The following AGAP1 variants were observed in gnomAD, a reference collection of about 807,000 sequenced individuals.
The protein encoded by AGAP1 is arf-GAP with GTPase, ANK repeat and PH domain-containing protein 1.
In AGAP1, 29 loss-of-function variants were observed where a neutral mutation model predicts 105.3. The ratio of observed to expected loss-of-function variants is 0.28; its 90% confidence interval spans 0.21 to 0.38. The LOEUF is 0.38. AGAP1 is among the 10% of genes least tolerant of loss of function. The pLI, the probability that AGAP1 is intolerant of heterozygous loss-of-function variation, is 1.00. For missense variants in AGAP1, 998 were observed against 1,165.1 expected (o/e 0.86, Z 2.09); for synonymous variants, 509 against 485.9 (o/e 1.05, Z -0.63).
chr2:235,743,894 T>C (rs1421554606), intron 4 of AGAP1, among the ~76,000 whole-genome samples: 1 of 152,240 alleles, frequency 6.6e-6, no homozygotes, highest in African/African-American at 2.4e-5. Flanking sequence ...GTCTCTGCCC[T>C]GCAGGCAGCC....
At position 236,056,379 on chromosome 2, in the gene AGAP1, G is replaced by A. The variant is rs147931802; in HGVS notation, c.2114+7098G>A. Among the ~76,000 whole-genome samples the A allele has an allele frequency of 5.0e-3, 767 of 152,258 alleles. 6 individuals carry two copies. The highest frequency in any genetic ancestry group is 0.017 in the African/African-American group (720 of 41,540). The stretch of plus-strand genomic sequence containing the variant: ...ATCATTTACGTTCTGAAATACGGCC[G>A]TCGTGACAATTAAGGAGTTTCTGAT... On this transcript the variant is annotated intron_variant, in intron 16 of 17. Coordinates refer to ENST00000304032, the MANE Select transcript of AGAP1 (RefSeq NM_001037131.3). This position sits in a 1 kb window ranked among gnomAD's most constrained non-coding sequence, Gnocchi z 4.6.
In AGAP1 at chr2:235,753,319, C is replaced by T. The variant is rs760474787; in HGVS notation, c.673+2831C>T. Among the ~76,000 whole-genome samples, 8 of 152,200 alleles carry T rather than the reference C, an allele frequency of 5.3e-5. No homozygotes were observed. Among genetic ancestry groups the T allele is most frequent in the Non-Finnish European group, 7.3e-5 (5 of 68,034 alleles). On this transcript the variant is annotated intron_variant, in intron 6 of 17. Coordinates refer to ENST00000304032, the MANE Select transcript of AGAP1 (RefSeq NM_001037131.3). This position sits in a 1 kb window ranked among gnomAD's most constrained non-coding sequence, Gnocchi z 4.5. ...ACTGTGACAGCTCATGTCGCACCTC[C>T]CCAGGTGATGCTGTGATGAGTGTCC...
In AGAP1 at chr2:236,113,012, C is replaced by A. The variant is rs1029950809; in HGVS notation, c.2115-7180C>A. Among the ~76,000 whole-genome samples the A allele has an allele frequency of 6.6e-6, 1 of 152,240 alleles. No individual in the cohort carries two copies. The highest frequency in any genetic ancestry group is 2.4e-5 in the African/African-American group (1 of 41,468). On this transcript the variant is annotated intron_variant, in intron 16 of 17. Transcript: ENST00000304032. The surrounding 1 kb of genome is among the most constrained non-coding windows in gnomAD (Gnocchi z 4.3). Reference sequence around the variant, plus strand: ...TTCTAGGCTCTCCACTGTTTTTCCCCTTTTGAAACTTGCAATAAAATCTAC... The same window carrying A: ...TTCTAGGCTCTCCACTGTTTTTCCCATTTTGAAACTTGCAATAAAATCTAC...
Position 235,988,115 on chromosome 2 carries a change from T to C in AGAP1, c.1645+19492T>C, listed in dbSNP as rs1225525284. 1.3e-5 allele frequency among the ~76,000 whole-genome samples: 2 copies of C among 152,228 alleles called. No individual in the cohort carries two copies. Among genetic ancestry groups the C allele is most frequent in the Non-Finnish European group, 2.9e-5 (2 of 68,042 alleles). On this transcript the variant is annotated intron_variant, in intron 13 of 17. Transcript: ENST00000304032. This position sits in a 1 kb window ranked among gnomAD's most constrained non-coding sequence, Gnocchi z 4.7. ...TGGAGTGTGGTGGCATGATCTCGGC[T>C]CACTGAAGCCTCCACCTCCAAAGTT...
At chr2:235,731,193 C>T (rs1446205285) in intron 3 of AGAP1, among the ~76,000 whole-genome samples, 2 of 152,148 alleles carry the variant, frequency 1.3e-5, no homozygotes, top group African/African-American at 4.8e-5. Flanking sequence ...GAGAAACAGG[C>T]ACAGGCCCTT....
intron 1 of AGAP1, among the ~76,000 whole-genome samples, chr2:235,706,557 C>A (rs1010939481): frequency 1.3e-5 from 2 of 152,184 alleles, no homozygotes; most frequent in Non-Finnish European, 2.9e-5. Flanking sequence ...CCCCGATACA[C>A]TTTTTAGAAA....
chr2:236,039,647 AT>A, intron 14 of AGAP1, among the ~76,000 whole-genome samples: 1 of 152,244 alleles, frequency 6.6e-6, no homozygotes, highest in Non-Finnish European at 1.5e-5. Context: ...ACTAAGTGGA[AT>A]GCTATGCAGC....
At chr2:235,878,326 GTCCAGTGTTTC>G (rs2049847422) in intron 9 of AGAP1, among the ~76,000 whole-genome samples, 1 of 152,168 alleles carries the variant, frequency 6.6e-6, no homozygotes, top group Non-Finnish European at 1.5e-5. Context: ...TCACACACAA[GTCCAGTGTTTC>G]TCCTTCTCTT....
Position 235,998,032 on chromosome 2 carries a change from A to T in AGAP1, c.1645+29409A>T, listed in dbSNP as rs532493699. Among the ~76,000 whole-genome samples the T allele has an allele frequency of 6.0e-4, 91 of 152,320 alleles. 1 individual carries two copies. In the South Asian group the frequency reaches 0.019, roughly 31 times the overall value. On this transcript the variant is annotated intron_variant, in intron 13 of 17. Coordinates refer to ENST00000304032, the MANE Select transcript of AGAP1 (RefSeq NM_001037131.3). ...CATTTTTAATTTCAGTGATTAACAA[A>T]ATCATGTCAGTAAACTGAGAGACTA... is the stretch of plus-strand genomic sequence containing the variant.
intron 1 of AGAP1, among the ~76,000 whole-genome samples, chr2:235,673,687 C>T (rs1234401256): frequency 6.6e-6 from 1 of 152,162 alleles, no homozygotes; most frequent in African/African-American, 2.4e-5. Flanking sequence ...GCTAAACTAT[C>T]GTAGACCTGC....
rs1233762795 is a variant in AGAP1, at chr2:235,701,465, A to T, written c.164-7714A>T. Among the ~76,000 whole-genome samples the T allele has an allele frequency of 6.6e-6, 1 of 152,118 alleles. No individual in the cohort carries two copies. Among genetic ancestry groups the T allele is most frequent in the African/African-American group, 2.4e-5 (1 of 41,412 alleles). On this transcript the variant is annotated intron_variant, in intron 1 of 17. Transcript: ENST00000304032. The surrounding 1 kb of genome is among the most constrained non-coding windows in gnomAD (Gnocchi z 4.1). ...CACTGAGAGGGCCTGGTGAATGGCAAGGTCAGGGGATGCTGTCCGGACATG... is the reference window on the plus strand; with the variant it reads ...CACTGAGAGGGCCTGGTGAATGGCATGGTCAGGGGATGCTGTCCGGACATG...
Position 235,559,071 on chromosome 2 carries a change from C to A in AGAP1, c.163+64222C>A, listed in dbSNP as rs188374091. On this transcript the variant is annotated intron_variant, in intron 1 of 17. Transcript: ENST00000304032. This position sits in a 1 kb window ranked among gnomAD's most constrained non-coding sequence, Gnocchi z 5.7. ...CTAGGTAGCTGAGACTACAGGCATG[C>A]GCCACTACACCCGACTAATATTTTG... Among the ~76,000 whole-genome samples the A allele has an allele frequency of 6.6e-6, 1 of 152,054 alleles. No individual in the cohort carries two copies. Among genetic ancestry groups the A allele is most frequent in the Admixed American group, 6.6e-5 (1 of 15,260 alleles).
At position 235,551,995 on chromosome 2, in the gene AGAP1, A is replaced by T. The variant is rs1943826458; in HGVS notation, c.163+57146A>T. Among the ~76,000 whole-genome samples the T allele has an allele frequency of 6.6e-6, 1 of 152,228 alleles. No individual in the cohort carries two copies. Among genetic ancestry groups the T allele is most frequent in the South Asian group, 2.1e-4 (1 of 4,830 alleles). Reference sequence around the variant, plus strand: ...TCACAAGATTTCTTGAAAGAACTCTAGTTGGAGTTGTAGAGCTAATGTTTT... The same window carrying T: ...TCACAAGATTTCTTGAAAGAACTCTTGTTGGAGTTGTAGAGCTAATGTTTT... On this transcript the variant is annotated intron_variant, in intron 1 of 17. Transcript: ENST00000304032. This position sits in a 1 kb window ranked among gnomAD's most constrained non-coding sequence, Gnocchi z 4.8.
At chr2:236,094,789 G>A (rs991831309) in intron 16 of AGAP1, among the ~76,000 whole-genome samples, 3 of 152,008 alleles carry the variant, frequency 2.0e-5, no homozygotes, top group African/African-American at 7.2e-5. Flanking sequence ...TGGCACAGAA[G>A]ATGGGAAAAT....
intron 12 of AGAP1, among the ~76,000 whole-genome samples, chr2:235,946,148 T>C (rs1000448991): frequency 6.6e-6 from 1 of 152,082 alleles, no homozygotes; most frequent in Non-Finnish European, 1.5e-5. Flanking sequence ...AAAATGCAGA[T>C]AAGCTCTTTG....
rs1947124481 is a variant in AGAP1, at chr2:235,639,634, A to G, written c.164-69545A>G. The stretch of plus-strand genomic sequence containing the variant: ...GCTGCCTGCTGTGTTTCTGGTGCCC[A>G]AATGTTCTGGGCACACTGTTGTTTG... On this transcript the variant is annotated intron_variant, in intron 1 of 17. Transcript: ENST00000304032. The surrounding 1 kb of genome is among the most constrained non-coding windows in gnomAD (Gnocchi z 5.3). Among the ~76,000 whole-genome samples, 1 of 152,116 alleles carries G rather than the reference A, an allele frequency of 6.6e-6. No individual in the cohort carries two copies. The highest frequency in any genetic ancestry group is 6.5e-5 in the Admixed American group (1 of 15,282).
Position 235,681,938 on chromosome 2 carries a change from C to T in AGAP1, c.164-27241C>T, listed in dbSNP as rs189050828. Among the ~76,000 whole-genome samples, 772 of 150,776 alleles carry T rather than the reference C, an allele frequency of 5.1e-3. 8 individuals carry two copies. Among genetic ancestry groups the T allele is most frequent in the African/African-American group, 0.018 (721 of 41,098 alleles). Reference sequence around the variant, plus strand: ...CAATCTCAGCTCACTGCACCCTCTGCCTCCCAGGTTCAAGCAATTCTCTGC... The same window carrying T: ...CAATCTCAGCTCACTGCACCCTCTGTCTCCCAGGTTCAAGCAATTCTCTGC... On this transcript the variant is annotated intron_variant, in intron 1 of 17. Coordinates refer to ENST00000304032, the MANE Select transcript of AGAP1 (RefSeq NM_001037131.3).
rs1449439982 is a variant in AGAP1 at position 236,024,042 on chromosome 2, T to G, written c.1646-12519T>G. 7.3e-4 allele frequency among the ~76,000 whole-genome samples: 109 copies of G among 148,814 alleles called. 1 individual carries two copies. The highest frequency in any genetic ancestry group is 2.3e-3 in the African/African-American group (93 of 40,494). On this transcript the variant is annotated intron_variant, in intron 13 of 17. Coordinates refer to ENST00000304032, the MANE Select transcript of AGAP1 (RefSeq NM_001037131.3). ...GGTTGTTTTTTTTTTTTGTTTTTTTTTTTTTTTGGAGACAGTCTCACTTTG... is the reference window on the plus strand; with the variant it reads ...GGTTGTTTTTTTTTTTTGTTTTTTTGTTTTTTTGGAGACAGTCTCACTTTG...
At chr2:235,518,995 TCAA>T (rs1444378504) in intron 1 of AGAP1, among the ~76,000 whole-genome samples, 1 of 152,206 alleles carries the variant, frequency 6.6e-6, no homozygotes, top group African/African-American at 2.4e-5. Context: ...AGAGCAGACC[TCAA>T]CATTATCTGA....
Sources: gnomAD v4.1 joint callset for allele counts (sites outside exome capture counted in the v4.1 genomes callset) on GRCh38, gnomAD v4.1.1 for gene constraint, Gnocchi (gnomAD v3.1) non-coding constraint, MANE v1.5 for transcripts, NCBI Gene and HGNC (gene_info 2026-07-23, HGNC 2026-07-21) for gene names.